Variants in ADGRL3 observed in about 807,000 individuals in gnomAD.
ADGRL3 encodes the protein calcium-independent alpha-latrotoxin receptor 3.
A neutral mutation model predicts 153.5 loss-of-function variants in ADGRL3; 62 were observed. The observed-to-expected ratio is 0.40, with a 90% CI of 0.33 to 0.50. The LOEUF is 0.50. Among genes scored for constraint, ADGRL3 ranks in the 20% least tolerant of loss-of-function variants. The pLI is 0.47. For synonymous variants in ADGRL3, 710 were observed against 672.5 expected (o/e 1.06, Z -0.86); for missense variants, 1,641 against 1,859.4 (o/e 0.88, Z 2.16).
intron 2 of ADGRL3, chr4:61,427,199 A>G (rs2097293682): frequency 6.6e-6 from 1 of 152,336 alleles, no homozygotes; most frequent in Non-Finnish European, 1.5e-5. Context: ...TTTAAATCAA[A>G]CAAAACTTGC....
intron 4 of ADGRL3, among the ~76,000 whole-genome samples, chr4:61,561,749 A>C (rs190703360): frequency 6.6e-6 from 1 of 152,272 alleles, no homozygotes; most frequent in African/African-American, 2.4e-5. Flanking sequence ...AAAATGTATC[A>C]TATAAACATG....
intron 2 of ADGRL3, among the ~76,000 whole-genome samples, chr4:61,410,564 C>T (rs932262271): frequency 1.3e-5 from 2 of 152,108 alleles, no homozygotes; most frequent in African/African-American, 4.8e-5. Flanking sequence ...TAGCAGGACC[C>T]AGTGCAAACT....
At chr4:61,217,767 G>A (rs950949918) in intron 1 of ADGRL3, among the ~76,000 whole-genome samples, 1 of 152,110 alleles carries the variant, frequency 6.6e-6, no homozygotes, top group African/African-American at 2.4e-5. Flanking sequence ...CAGAAGGTTG[G>A]TTCCTACTCA....
chr4:61,482,604 T>C (rs1437347374), intron 2 of ADGRL3, among the ~76,000 whole-genome samples: 2 of 152,182 alleles, frequency 1.3e-5, no homozygotes, highest in African/African-American at 2.4e-5. Context: ...TTTTTTAAGC[T>C]ACATAACTCA....
chr4:61,985,906 G>GT (rs2099083651), intron 19 of ADGRL3, among the ~76,000 whole-genome samples: 1 of 4,032 alleles, frequency 2.5e-4, no homozygotes, highest in South Asian at 0.01. Context: ...ACTAGGATTA[G>GT]TAAAAAAAAA....
intron 4 of ADGRL3, 41 bp from the exon 5 acceptor site, chr4:61,587,186 A>G (rs2098949888): frequency 1.5e-6 from 2 of 1,360,142 alleles, no homozygotes; most frequent in Non-Finnish European, 2.1e-6. Context: ...CTTTGTATGT[A>G]GTAACGATGG....
chr4:62,031,580 A>G lies in ADGRL3; in HGVS notation c.3561A>G (p.Ile1187Met). Residue 1187 changes from isoleucine (I) to methionine (M), a missense_variant, in exon 23 of 27, where the codon ATA becomes ATG. By Grantham distance (10) the Ile-to-Met change is conservative (BLOSUM62 1). This residue lies in a region of ADGRL3 where 517 missense variants were observed against 555.0 expected (regional missense o/e 0.93). Transcript: ENST00000683033. The stretch of plus-strand genomic sequence containing the variant: ...TCAATTCTCTACAGGGAATGTTTAT[A>G]TTTATTTTCCATTGTGTCCTACAGA... The part of the protein sequence containing the change: ...TIFNSLQGMF[I>M]FIFHCVLQKK... The G allele has an allele frequency of 1.2e-6, 2 of 1,609,200 alleles. No individual in the cohort carries two copies. Among genetic ancestry groups the G allele is most frequent in the African/African-American group, 2.7e-5 (2 of 74,822 alleles).
At chr4:61,842,848 G>A (rs558902030) in intron 9 of ADGRL3, among the ~76,000 whole-genome samples, 94 of 152,248 alleles carry the variant, frequency 6.2e-4, no homozygotes, top group Middle Eastern at 6.8e-3. Context: ...ACTTCTAGTC[G>A]TGAATGCATA....
intron 3 of ADGRL3, among the ~76,000 whole-genome samples, chr4:61,498,079 A>G (rs2098340923): frequency 6.6e-6 from 1 of 152,184 alleles, no homozygotes; most frequent in African/African-American, 2.4e-5. Flanking sequence ...GAAAACTCCA[A>G]AAGTAAAATC....
At chr4:61,396,373 C>T (rs930735276) in intron 2 of ADGRL3, among the ~76,000 whole-genome samples, 11 of 151,446 alleles carry the variant, frequency 7.3e-5, no homozygotes, top group African/African-American at 2.7e-4. Flanking sequence ...AAATTATTTA[C>T]CTTTGTTGAT....
chr4:62,057,452 A>G (rs1441443775), intron 25 of ADGRL3, among the ~76,000 whole-genome samples: 3 of 152,192 alleles, frequency 2.0e-5, no homozygotes, highest in Non-Finnish European at 4.4e-5. Context: ...AAAGTAAAAA[A>G]GAAGAGAACT....
intron 1 of ADGRL3, among the ~76,000 whole-genome samples, chr4:61,363,150 T>C (rs555443241): frequency 2.0e-5 from 3 of 152,322 alleles, no homozygotes; most frequent in East Asian, 3.9e-4. Flanking sequence ...GCAGTTTCTC[T>C]ATTTAAGCAA....
chr4:61,666,883 A>C (rs2150706671), intron 5 of ADGRL3, among the ~76,000 whole-genome samples: 1 of 152,304 alleles, frequency 6.6e-6, no homozygotes, highest in African/African-American at 2.4e-5. Flanking sequence ...ATGTCATTCC[A>C]GTTATTTTTA....
intron 11 of ADGRL3, among the ~76,000 whole-genome samples, chr4:61,908,747 CAAA>C (rs1231812223): frequency 6.6e-6 from 1 of 151,866 alleles, no homozygotes; most frequent in Non-Finnish European, 1.5e-5. Context: ...AATTTTAAAA[CAAA>C]GAAGATTATA....
rs149472429 is a variant in ADGRL3, at chr4:61,726,210, G to GTTTTTTTTTTTTTTTTTTTTT, written c.584-4406_584-4405insTTTTTTTTTTTTTTTTTTTTT. Among the ~76,000 whole-genome samples, 71 of 118,502 alleles carry GTTTTTTTTTTTTTTTTTTTTT rather than the reference G, an allele frequency of 6.0e-4. 9 individuals carry two copies. The highest frequency in any genetic ancestry group is 5.3e-3 in the Middle Eastern group (1 of 190). The allele number at this position is 118,502 out of a possible 152,430, so 77.7% of individuals were successfully genotyped here. ...AATACTCACTGGAACTTTTTTTTTT[G>GTTTTTTTTTTTTTTTTTTTTT]TTTTTTGAGAAGGAGTCTCACCCTG... On this transcript the variant is annotated intron_variant, in intron 6 of 26. Coordinates refer to ENST00000683033, the MANE Select transcript of ADGRL3 (RefSeq NM_001387552.1).
rs1255408344 is a variant in ADGRL3, at chr4:61,257,092, C to T, written c.-240+55327C>T. ...CCACAAAGCCAATGATAAATCTTGC[C>T]CATAGTTCTTAGAGGCAGTTTCATT... is the stretch of plus-strand genomic sequence containing the variant. On this transcript the variant is annotated intron_variant, in intron 1 of 26. Transcript: ENST00000683033. 2.0e-5 allele frequency among the ~76,000 whole-genome samples: 3 copies of T among 151,958 alleles called. No homozygotes were observed. The East Asian group carries it at 5.8e-4, about 29-fold the overall frequency.
chr4:61,286,488 T>C (rs2093947908), intron 1 of ADGRL3, among the ~76,000 whole-genome samples: 1 of 151,666 alleles, frequency 6.6e-6, no homozygotes, highest in Non-Finnish European at 1.5e-5. Flanking sequence ...TTCTAGAATA[T>C]TTTACAGCAT....
intron 2 of ADGRL3, among the ~76,000 whole-genome samples, chr4:61,464,616 T>C (rs1410465103): frequency 6.6e-6 from 1 of 152,168 alleles, no homozygotes; most frequent in Non-Finnish European, 1.5e-5. Flanking sequence ...AAATAATACA[T>C]AACTAATATG....
intron 4 of ADGRL3, among the ~76,000 whole-genome samples, chr4:61,563,315 A>G (rs1339391910): frequency 6.6e-6 from 1 of 152,152 alleles, no homozygotes; most frequent in African/African-American, 2.4e-5. Flanking sequence ...AATATTCAGT[A>G]AACCATACCA....
Sources: allele counts gnomAD v4.1 joint callset (sites outside exome capture counted in the v4.1 genomes callset), GRCh38; gene constraint gnomAD v4.1.1; regional missense constraint gnomAD v4.1.1; transcripts MANE v1.5; gene names NCBI Gene and HGNC (gene_info 2026-07-23, HGNC 2026-07-21).